Variants in FGF13 observed in about 807,000 individuals in gnomAD.
The protein encoded by FGF13 is fibroblast growth factor 13.
In FGF13, 2 loss-of-function variants were observed where a neutral mutation model predicts 19.5. That is an observed-to-expected ratio of 0.10 (90% confidence interval 0.04 to 0.32). FGF13 has a LOEUF of 0.32. FGF13 is among the 10% of genes least tolerant of loss of function. The pLI is 1.00. For synonymous variants in FGF13, 72 were observed against 76.9 expected, an observed-to-expected ratio of 0.94 and a Z score of 0.33; for missense variants, 113 against 192.7, an observed-to-expected ratio of 0.59 and a Z score of 2.45.
chrX:139,000,033 A>T (rs2092065050), intron 1 of FGF13, among the ~76,000 whole-genome samples: 2 of 112,147 alleles, frequency 1.8e-5, no homozygotes, highest in Non-Finnish European at 3.8e-5. Context: ...GGTTCAACAT[A>T]CACAAATCAA....
At chrX:138,823,820 C>G (rs2091015362) in intron 3 of FGF13, among the ~76,000 whole-genome samples, 1 of 111,772 alleles carries the variant, frequency 8.9e-6, no homozygotes, top group Admixed American at 9.5e-5. Flanking sequence ...AAGAACCATA[C>G]CATGCCCATA....
intron 1 of FGF13, among the ~76,000 whole-genome samples, chrX:139,054,889 GTTGTGTTGTGTTGTA>G (rs1319225279): frequency 1.4e-4 from 13 of 96,210 alleles, no homozygotes; most frequent in East Asian, 1.3e-3. Context: ...GTTGTGTTGT[GTTGTGTTGTGTTGTA>G]TTGTATTGTA....
intron 1 of FGF13, among the ~76,000 whole-genome samples, chrX:138,905,138 G>C (rs1485553775): frequency 2.7e-5 from 3 of 110,920 alleles, no homozygotes; most frequent in African/African-American, 9.9e-5. Context: ...CCTAAAATCT[G>C]GGATTCTTGG....
At chrX:139,183,963 T>C (rs1240696830) in intron 1 of FGF13, among the ~76,000 whole-genome samples, 2 of 112,069 alleles carry the variant, frequency 1.8e-5, no homozygotes, top group African/African-American at 6.5e-5. Flanking sequence ...TGATAATTTC[T>C]CCTACTTTCA....
At chrX:139,065,478 A>G (rs766255030) in intron 1 of FGF13, among the ~76,000 whole-genome samples, 138 of 89,663 alleles carry the variant, frequency 1.5e-3, no homozygotes, top group Non-Finnish European at 2.2e-3. Context: ...AGCAAACGGA[A>G]AGCAAAAAAA....
At chrX:138,950,931 T>C (rs1456145522) in intron 1 of FGF13, among the ~76,000 whole-genome samples, 1 of 111,346 alleles carries the variant, frequency 9.0e-6, no homozygotes, top group African/African-American at 3.3e-5. Context: ...GTGAAACTGG[T>C]ATAATATGAA....
chrX:138,829,905 G>T (rs1602926915), intron 3 of FGF13, among the ~76,000 whole-genome samples: 1 of 111,367 alleles, frequency 9.0e-6, no homozygotes, highest in Non-Finnish European at 1.9e-5. Flanking sequence ...TTTTAGTAGA[G>T]ACAGGGTTTC....
chrX:138,738,634 G>A (rs1000772193), intron 1 of FGF13, among the ~76,000 whole-genome samples: 2 of 111,526 alleles, frequency 1.8e-5, no homozygotes, highest in African/African-American at 6.5e-5. Flanking sequence ...TGCCGCCATG[G>A]AGGAACAGAT....
rs186602103 is a variant in FGF13, at chrX:138,772,741, C to G, written c.218-63813G>C. ...CATGGTTTAGGCCAAGCCACTTTTT[C>G]TTTTACCTCTGGGACCTATTTAATA... On this transcript the variant is annotated intron_variant, in intron 3 of 6. Transcript: ENST00000436198. Among the ~76,000 whole-genome samples the G allele has an allele frequency of 6.0e-4, 67 of 111,261 alleles. No homozygotes were observed. The East Asian group carries it at 0.012, about 21-fold the overall frequency.
At chrX:139,007,164 G>A (rs911616756) in intron 1 of FGF13, among the ~76,000 whole-genome samples, 3 of 110,878 alleles carry the variant, frequency 2.7e-5, no homozygotes, top group African/African-American at 9.8e-5. Flanking sequence ...GATATTCCAC[G>A]CCAATGGAAA....
chrX:138,638,965 C>A (rs186876454), intron 3 of FGF13, among the ~76,000 whole-genome samples: 3,084 of 111,175 alleles, frequency 0.028, 101 homozygotes, highest in African/African-American at 0.095. Flanking sequence ...AATTTGGACT[C>A]AAAAACTCAG....
intron 1 of FGF13, among the ~76,000 whole-genome samples, chrX:139,015,437 G>GA (rs1228666741): frequency 9.1e-6 from 1 of 109,690 alleles, no homozygotes; most frequent in Middle Eastern, 4.3e-3. Context: ...CAAACAATCA[G>GA]AAAAAAAATT....
intron 3 of FGF13, among the ~76,000 whole-genome samples, chrX:138,789,902 G>A (rs1056792285): frequency 9.4e-5 from 10 of 105,922 alleles, no homozygotes; most frequent in Non-Finnish European, 1.6e-4. Context: ...AAAATTAGCC[G>A]GGCGTAGTGG....
intron 1 of FGF13, among the ~76,000 whole-genome samples, chrX:138,978,289 G>T: frequency 1.7e-5 from 1 of 58,519 alleles, no homozygotes; most frequent in Non-Finnish European, 2.8e-5. Flanking sequence ...TTGAGATGGA[G>T]TCTCGCTCTG....
rs1465217099 is a variant in FGF13, at chrX:138,779,871, C to G, written c.218-70943G>C. On this transcript the variant is annotated intron_variant, in intron 3 of 6. Coordinates refer to the FGF13 transcript ENST00000436198. ...CCAAGACACATAATTGTCAGATTCA[C>G]CAAAGTTGAAATGAAGGAAAAAATG... Among the ~76,000 whole-genome samples the G allele has an allele frequency of 4.7e-5, 5 of 105,403 alleles. No individual in the cohort carries two copies. The East Asian group carries it at 1.5e-3, about 31-fold the overall frequency. 91.5% of individuals were successfully genotyped at this position (105,403 alleles called of 115,157 possible).
intron 1 of FGF13, among the ~76,000 whole-genome samples, chrX:138,953,176 C>T (rs759818992): frequency 1.8e-5 from 2 of 110,821 alleles, no homozygotes; most frequent in Admixed American, 9.6e-5. Context: ...TTGGAACCAA[C>T]CCAAATGTCC....
chrX:138,978,266 G>GTTTTTTTTTCTTTTTTTTTTTTTTTT (rs2091948019), intron 1 of FGF13, among the ~76,000 whole-genome samples: 1 of 82,917 alleles, frequency 1.2e-5, no homozygotes, highest in Non-Finnish European at 2.2e-5. Context: ...AGCTGCCCTG[G>GTTTTTTTTTCTTTTTTTTTTTTTTTT]TTTTTTTTTT....
intron 3 of FGF13, among the ~76,000 whole-genome samples, chrX:138,839,359 G>A (rs760866230): frequency 2.4e-4 from 27 of 111,246 alleles, no homozygotes; most frequent in African/African-American, 7.5e-4. Context: ...GACAGAGGGG[G>A]TCAGAAAAGT....
chrX:138,703,110 A>T (rs747717986), intron 2 of FGF13, 23 bp from the exon 3 acceptor site: 1 of 1,088,874 alleles, frequency 9.2e-7, no homozygotes, highest in East Asian at 3.0e-5. Flanking sequence ...AAGAAAATGA[A>T]AACAGTGTTA....
Sources: gnomAD v4.1 joint callset for allele counts (sites outside exome capture counted in the v4.1 genomes callset) on GRCh38, gnomAD v4.1.1 for gene constraint, MANE v1.5 for transcripts, NCBI Gene and HGNC (gene_info 2026-07-23, HGNC 2026-07-21) for gene names.